The following KIF21A variants were observed in gnomAD, a reference collection of about 807,000 sequenced individuals.
The protein encoded by KIF21A is kinesin-like protein KIF21A.
Under a neutral mutation model 202.9 loss-of-function variants are expected in KIF21A, and 114 were observed. The ratio of observed to expected loss-of-function variants is 0.56; its 90% CI spans 0.48 to 0.66. The LOEUF is 0.66. KIF21A is among the 30% of genes least tolerant of loss of function. The probability of loss-of-function intolerance (pLI) is 0.00; values close to 1 mark genes in which losing one functional copy is unlikely to be tolerated. For synonymous variants in KIF21A, 667 were observed against 670.8 expected (o/e 0.99, Z 0.09); for missense variants, 1,677 against 1,994.9 (o/e 0.84, Z 3.04).
intron 13 of KIF21A, 96 bp downstream of exon 13, chr12:39,341,937 CA>C (rs1947478842): frequency 2.5e-6 from 2 of 812,268 alleles, no homozygotes; most frequent in Non-Finnish European, 4.3e-6. Flanking sequence ...GCATCATAAG[CA>C]GTTCACTTTT....
rs1948401572 is a variant in KIF21A at position 39,351,773 on chromosome 12, C to T, written c.1673+4G>A. ...TTCATTTAGTGGTGATTTTATAATCCCACCTTTTTTTCTTCCTCTTTTCTT... is the reference window on the plus strand; with the variant it reads ...TTCATTTAGTGGTGATTTTATAATCTCACCTTTTTTTCTTCCTCTTTTCTT... On this transcript the variant is annotated splice_donor_region_variant and intron_variant, in intron 11 of 37. Coordinates refer to ENST00000361418, the MANE Select transcript of KIF21A (RefSeq NM_001173464.2). The T allele has an allele frequency of 6.6e-7, 1 of 1,512,572 alleles. No individual in the cohort carries two copies. Among genetic ancestry groups the T allele is most frequent in the South Asian group, 1.1e-5 (1 of 88,442 alleles). The allele number at this position is 1,512,572 out of a possible 1,614,324, so 93.7% of individuals were successfully genotyped here.
Position 39,322,410 on chromosome 12 carries a change from G to T in KIF21A, c.3671+258C>A, listed in dbSNP as rs184590294. On this transcript the variant is annotated intron_variant, in intron 27 of 37. Transcript: ENST00000361418. ...TGTATTTTCTGTAATTCATAAGTCA[G>T]CCTTTATAAAAATTATAACCCTTAA... The T allele has an allele frequency of 1.2e-4, 41 of 328,156 alleles. No homozygotes were observed. In the Admixed American group the frequency reaches 1.8e-3, roughly 14 times the overall value. 20.3% of individuals were successfully genotyped at this position (328,156 alleles called of 1,614,324 possible).
At chr12:39,400,264 G>C (rs1303547125) in intron 1 of KIF21A, among the ~76,000 whole-genome samples, 2 of 152,176 alleles carry the variant, frequency 1.3e-5, no homozygotes, top group African/African-American at 2.4e-5. Flanking sequence ...ACCAGAAGGG[G>C]AGAGTCTCTT....
At position 39,323,020 on chromosome 12, in the gene KIF21A, T is replaced by C. The variant is rs377377548; in HGVS notation, c.3457-138A>G. The C allele has an allele frequency of 7.9e-6, 5 of 635,390 alleles. No homozygotes were observed. The East Asian group carries it at 1.4e-4, about 18-fold the overall frequency. The allele number at this position is 635,390 out of a possible 1,614,324, so 39.4% of individuals were successfully genotyped here. A position where few individuals can be genotyped will look rare whatever the true frequency, so the allele number is the denominator to read the frequency against. On this transcript the variant is annotated intron_variant, in intron 26 of 37. Transcript: ENST00000361418. ...TCCTAGGTGTGCCAAACATAGCATG[T>C]GAGATAGTGACAAGCCAGAGCTATA... is the stretch of plus-strand genomic sequence containing the variant.
intron 1 of KIF21A, among the ~76,000 whole-genome samples, chr12:39,396,397 T>G (rs1951762670): frequency 6.6e-6 from 1 of 152,110 alleles, no homozygotes; most frequent in Non-Finnish European, 1.5e-5. Context: ...ATCTTTTATC[T>G]TCAGTACAAA....
At chr12:39,402,527 C>T (rs570396612) in intron 1 of KIF21A, among the ~76,000 whole-genome samples, 20 of 152,176 alleles carry the variant, frequency 1.3e-4, no homozygotes, top group African/African-American at 4.8e-4. Context: ...CATAGCAAGA[C>T]ACCTGTATTA....
intron 1 of KIF21A, among the ~76,000 whole-genome samples, chr12:39,392,380 T>C (rs1428305883): frequency 6.6e-6 from 1 of 152,174 alleles, no homozygotes; most frequent in Non-Finnish European, 1.5e-5. Context: ...CCTGTTTGTA[T>C]AACCACCAGC....
intron 1 of KIF21A, among the ~76,000 whole-genome samples, chr12:39,381,622 C>T (rs1483927409): frequency 6.6e-6 from 1 of 152,134 alleles, no homozygotes; most frequent in African/African-American, 2.4e-5. Context: ...CTCCCAATAA[C>T]CACAAGTGAC....
chr12:39,343,847 A>T (rs1174604922), intron 12 of KIF21A, among the ~76,000 whole-genome samples: 2 of 152,218 alleles, frequency 1.3e-5, no homozygotes, highest in Non-Finnish European at 2.9e-5. Context: ...ATGTGAAGTA[A>T]GTGTTTGTTA....
Position 39,322,732 on chromosome 12 carries a change from C to T in KIF21A, c.3607G>A (p.Gly1203Ser). ...QEIGMNTETSGTSAREKELSP... is the reference protein window; with the variant it reads ...QEIGMNTETSSTSAREKELSP... ...AGCTCTTTTTCCCTAGCAGAAGTAC[C>T]ACTTGTCTCTGTATTCATTCCAATC... Residue 1203 changes from glycine (G) to serine (S), a missense_variant, in exon 27 of 38, where the codon GGT becomes AGT. Coordinates refer to ENST00000361418, the MANE Select transcript of KIF21A (RefSeq NM_001173464.2). 1 of 1,613,958 alleles carries T rather than the reference C, an allele frequency of 6.2e-7. No individual in the cohort carries two copies. Among genetic ancestry groups the T allele is most frequent in the Non-Finnish European group, 8.5e-7 (1 of 1,179,992 alleles).
At chr12:39,350,416 T>A (rs1948269988) in intron 11 of KIF21A, among the ~76,000 whole-genome samples, 1 of 152,034 alleles carries the variant, frequency 6.6e-6, no homozygotes, top group Non-Finnish European at 1.5e-5. Context: ...TATACTTACT[T>A]ATTATTTATG....
Position 39,442,073 on chromosome 12 carries a change from A to G in KIF21A, c.44+854T>C, listed in dbSNP as rs1255118380. ...TAAGTATCAAAACAGCCGAAATTAC[A>G]TCGAATACTCGTGCCTGTCATTGGC... is the stretch of plus-strand genomic sequence containing the variant. On this transcript the variant is annotated intron_variant, in intron 1 of 37. Transcript: ENST00000361418. This position sits in a 1 kb window ranked among gnomAD's most constrained non-coding sequence, Gnocchi z 5.0. Among the ~76,000 whole-genome samples the G allele has an allele frequency of 6.6e-6, 1 of 152,198 alleles. No individual in the cohort carries two copies. Among genetic ancestry groups the G allele is most frequent in the Admixed American group, 6.5e-5 (1 of 15,280 alleles).
chr12:39,325,392 C>T (rs541377647), intron 26 of KIF21A, among the ~76,000 whole-genome samples: 2 of 149,490 alleles, frequency 1.3e-5, no homozygotes, highest in South Asian at 2.1e-4. Flanking sequence ...AGTGCAGTTG[C>T]GCGATCTCGG....
At position 39,332,988 on chromosome 12, in the gene KIF21A, G is replaced by T. The variant is rs776185614; in HGVS notation, c.2607C>A (p.Val869=). 1.9e-6 allele frequency: 3 copies of T among 1,613,900 alleles called. No homozygotes were observed. The African/African-American group carries it at 4.0e-5, about 22-fold the overall frequency. Residue 869 remains valine (V), a synonymous_variant, in exon 19 of 38, where the codon GTC becomes GTA. Transcript: ENST00000361418. ...AQDTGSSAAA[V]ETDASRTGAQ... ...CTCCTGTCCTTGATGCATCTGTTTCGACAGCAGCTGCACTGGAACCTGTGT... is the reference window on the plus strand; with the variant it reads ...CTCCTGTCCTTGATGCATCTGTTTCTACAGCAGCTGCACTGGAACCTGTGT...
rs1565712835 is a variant in KIF21A, at chr12:39,315,924, G to C, written c.3947+8C>G. On this transcript the variant is annotated splice_region_variant and intron_variant, in intron 30 of 37. Coordinates refer to ENST00000361418, the MANE Select transcript of KIF21A (RefSeq NM_001173464.2). Reference sequence around the variant, plus strand: ...TCCAGAATGTAGGAAAGGCAGGAAAGAAAGTACCTGTGTACCTCCGAGAGA... The same window carrying C: ...TCCAGAATGTAGGAAAGGCAGGAAACAAAGTACCTGTGTACCTCCGAGAGA... 1.2e-6 allele frequency: 2 copies of C among 1,600,330 alleles called. No individual in the cohort carries two copies. The highest frequency in any genetic ancestry group is 1.7e-4 in the Middle Eastern group (1 of 6,040).
intron 6 of KIF21A, among the ~76,000 whole-genome samples, chr12:39,365,867 G>C (rs1312975202): frequency 6.6e-6 from 1 of 152,122 alleles, no homozygotes; most frequent in African/African-American, 2.4e-5. Context: ...AAAATTATCT[G>C]GGTGTGGTGG....
chr12:39,379,282 C>A (rs531418203), intron 1 of KIF21A, among the ~76,000 whole-genome samples: 7 of 149,814 alleles, frequency 4.7e-5, no homozygotes, highest in African/African-American at 1.7e-4. Flanking sequence ...GAGCCGAGAT[C>A]GTGCCACTGC....
At chr12:39,328,543 G>A (rs1946186276) in intron 24 of KIF21A, among the ~76,000 whole-genome samples, 1 of 152,122 alleles carries the variant, frequency 6.6e-6, no homozygotes, top group African/African-American at 2.4e-5. Context: ...GATGATAGTG[G>A]TGACCGTGGG....
intron 1 of KIF21A, among the ~76,000 whole-genome samples, chr12:39,417,613 CAATACCAATAACACTT>C (rs892168403): frequency 2.0e-5 from 3 of 152,194 alleles, no homozygotes; most frequent in Admixed American, 6.5e-5. Context: ...ACCAACAAAG[CAATACCAATAACACTT>C]AATTTTGTGG....
Sources: gnomAD v4.1 joint callset for allele counts (sites outside exome capture counted in the v4.1 genomes callset) on GRCh38, gnomAD v4.1.1 for gene constraint, Gnocchi (gnomAD v3.1) non-coding constraint, MANE v1.5 for transcripts, NCBI Gene and HGNC (gene_info 2026-07-23, HGNC 2026-07-21) for gene names.